Variants in HDAC4 observed in about 807,000 individuals in gnomAD.
The protein encoded by HDAC4 is histone deacetylase 4.
In HDAC4, 16 loss-of-function variants were observed where a neutral mutation model predicts 135.1. The observed-to-expected ratio is 0.12, with a 90% CI of 0.08 to 0.18. The LOEUF is 0.18. Among genes scored for constraint, HDAC4 ranks in the 10% least tolerant of loss-of-function variants. The probability of loss-of-function intolerance (pLI) is 1.00; values close to 1 mark genes in which losing one functional copy is unlikely to be tolerated. For missense variants in HDAC4, 1,143 were observed against 1,511.8 expected (o/e 0.76, Z 4.05); for synonymous variants, 685 against 653.4 (o/e 1.05, Z -0.74).
rs2052624320 is a variant in HDAC4 at position 239,306,981 on chromosome 2, G to A, written c.22+45697C>T. ...CCAGGGTAACCCAGAAGCAGCAGGAGCCGCAGGACCATAGGGGCCACCGGC... is the reference window on the plus strand; with the variant it reads ...CCAGGGTAACCCAGAAGCAGCAGGAACCGCAGGACCATAGGGGCCACCGGC... On this transcript the variant is annotated intron_variant, in intron 2 of 26. Coordinates refer to ENST00000543185, the MANE Select transcript of HDAC4 (RefSeq NM_001378414.1). The surrounding 1 kb of genome is among the most constrained non-coding windows in gnomAD (Gnocchi z 4.5). Among the ~76,000 whole-genome samples the A allele has an allele frequency of 6.6e-6, 1 of 152,106 alleles. No homozygotes were observed.
chr2:239,072,974 C>A (rs1574913242), intron 22 of HDAC4, among the ~76,000 whole-genome samples: 1 of 152,210 alleles, frequency 6.6e-6, no homozygotes, highest in Non-Finnish European at 1.5e-5. Context: ...GAGGGCCCAT[C>A]TCAATGCTGG....
intron 3 of HDAC4, among the ~76,000 whole-genome samples, chr2:239,235,478 C>A (rs2047833149): frequency 6.6e-6 from 1 of 152,240 alleles, no homozygotes; most frequent in African/African-American, 2.4e-5. Flanking sequence ...AGAGCCAAAA[C>A]CAGAGACCCA....
At chr2:239,118,422 C>T (rs555175380) in intron 12 of HDAC4, among the ~76,000 whole-genome samples, 15 of 152,248 alleles carry the variant, frequency 9.9e-5, no homozygotes, top group African/African-American at 2.6e-4. Context: ...AACCAGTAGG[C>T]GGCGTGGCAC....
rs1161111994 is a variant in HDAC4 at position 239,331,138 on chromosome 2, C to A, written c.22+21540G>T. On this transcript the variant is annotated intron_variant, in intron 2 of 26. Coordinates refer to ENST00000543185, the MANE Select transcript of HDAC4 (RefSeq NM_001378414.1). The surrounding 1 kb of genome is among the most constrained non-coding windows in gnomAD (Gnocchi z 4.5). ...AGCTCTCAGCCTGCCCAGGAGGAAGCGGGGCTGATGGGCCATCGGAGCAAA... is the reference window on the plus strand; with the variant it reads ...AGCTCTCAGCCTGCCCAGGAGGAAGAGGGGCTGATGGGCCATCGGAGCAAA... 1.3e-5 allele frequency among the ~76,000 whole-genome samples: 2 copies of A among 152,196 alleles called. No homozygotes were observed. Among genetic ancestry groups the A allele is most frequent in the African/African-American group, 4.8e-5 (2 of 41,432 alleles).
intron 7 of HDAC4, among the ~76,000 whole-genome samples, chr2:239,144,961 G>C (rs555453030): frequency 6.6e-6 from 1 of 152,200 alleles, no homozygotes; most frequent in Non-Finnish European, 1.5e-5. Flanking sequence ...CATTATGCAA[G>C]CGCTGGCACT....
At chr2:239,294,094 G>C (rs1172316972) in intron 2 of HDAC4, among the ~76,000 whole-genome samples, 1 of 152,226 alleles carries the variant, frequency 6.6e-6, no homozygotes, top group East Asian at 1.9e-4. Flanking sequence ...AGGAAGAGCA[G>C]CTCATTCTCA....
chr2:239,222,371 T>A (rs1483011786), intron 3 of HDAC4, among the ~76,000 whole-genome samples: 1 of 152,204 alleles, frequency 6.6e-6, no homozygotes, highest in Non-Finnish European at 1.5e-5. Context: ...TAATTTGTTC[T>A]ATATCCCCAG....
At chr2:239,208,321 CG>C (rs1236764719) in intron 3 of HDAC4, among the ~76,000 whole-genome samples, 13 of 100,046 alleles carry the variant, frequency 1.3e-4, no homozygotes, top group African/African-American at 5.6e-4. Context: ...AGCGAGACTC[CG>C]TCCCAAAAAA....
intron 12 of HDAC4, among the ~76,000 whole-genome samples, chr2:239,116,498 G>A (rs116624459): frequency 2.0e-5 from 3 of 152,138 alleles, no homozygotes; most frequent in Admixed American, 6.5e-5. Context: ...CTCCAGCCTC[G>A]ACCTCCTGCC....
At position 239,174,861 on chromosome 2, in the gene HDAC4, C is replaced by A. The variant is rs563796045; in HGVS notation, c.490+1552G>T. ...GGGATGAATTTCACAAGCATAATGT[C>A]CACAGAAAGAAGCAAAACGCAAAAA... On this transcript the variant is annotated intron_variant, in intron 5 of 26. Coordinates refer to ENST00000543185, the MANE Select transcript of HDAC4 (RefSeq NM_001378414.1). 3.3e-5 allele frequency among the ~76,000 whole-genome samples: 5 copies of A among 152,300 alleles called. No homozygotes were observed. In the East Asian group the frequency reaches 5.8e-4, roughly 18 times the overall value.
Position 239,244,548 on chromosome 2 carries a change from T to C in HDAC4, c.23-7884A>G, listed in dbSNP as rs529860444. Reference sequence around the variant, plus strand: ...CTCTAACCTGTGTGACCAGAGGTAGTAGAATTTTACTGGCACTCTGATGCC... The same window carrying C: ...CTCTAACCTGTGTGACCAGAGGTAGCAGAATTTTACTGGCACTCTGATGCC... On this transcript the variant is annotated intron_variant, in intron 2 of 26. Transcript: ENST00000543185. 2.6e-5 allele frequency among the ~76,000 whole-genome samples: 4 copies of C among 152,344 alleles called. No homozygotes were observed. In the South Asian group the frequency reaches 6.2e-4, roughly 24 times the overall value.
At chr2:239,077,934 C>T (rs914026022) in intron 22 of HDAC4, among the ~76,000 whole-genome samples, 4 of 152,204 alleles carry the variant, frequency 2.6e-5, no homozygotes, top group African/African-American at 9.7e-5. Flanking sequence ...AAGGCTAATG[C>T]CAATTCGTGA....
chr2:239,395,125 G>A (rs527259564), intron 1 of HDAC4, among the ~76,000 whole-genome samples: 13 of 152,332 alleles, frequency 8.5e-5, no homozygotes, highest in African/African-American at 2.4e-4. Context: ...CAAAGGCCCC[G>A]AGGTCAAAGG....
At chr2:239,266,072 G>A (rs1485980207) in intron 2 of HDAC4, among the ~76,000 whole-genome samples, 2 of 152,204 alleles carry the variant, frequency 1.3e-5, no homozygotes, top group Non-Finnish European at 2.9e-5. Context: ...AGAGGCTGCT[G>A]TGGCATCCAG....
chr2:239,119,766 CG>C (rs1006452760), intron 12 of HDAC4, among the ~76,000 whole-genome samples: 2 of 152,134 alleles, frequency 1.3e-5, no homozygotes, highest in Non-Finnish European at 1.5e-5. Flanking sequence ...GGAGAGGCTG[CG>C]GGTCTCTCCG....
At chr2:239,140,658 G>C (rs545764665) in intron 8 of HDAC4, among the ~76,000 whole-genome samples, 4 of 152,220 alleles carry the variant, frequency 2.6e-5, no homozygotes, top group East Asian at 3.8e-4. Context: ...GTTCAGCAAC[G>C]ACTCTGGGTG....
At chr2:239,376,772 C>T (rs1178813497) in intron 1 of HDAC4, among the ~76,000 whole-genome samples, 1 of 151,834 alleles carries the variant, frequency 6.6e-6, no homozygotes, top group Non-Finnish European at 1.5e-5. Context: ...ACTGCTATGA[C>T]ACAAATCCTC....
chr2:239,221,180 G>C (rs779056712), intron 3 of HDAC4, among the ~76,000 whole-genome samples: 2 of 152,156 alleles, frequency 1.3e-5, no homozygotes, highest in Admixed American at 1.3e-4. Context: ...GTGTTCTTGC[G>C]AATACCATTT....
Position 239,134,512 on chromosome 2 carries a change from C to CG in HDAC4, c.1095+14dup. On this transcript the variant is annotated intron_variant, in intron 10 of 26. Transcript: ENST00000543185. ...CACCACCCCACACCACACGGACCCA[C>CG]GGGGGCTGACTTACCGCAGAGGGGC... 6.2e-7 allele frequency: 1 copy of CG among 1,613,684 alleles called. No individual in the cohort carries two copies. The highest frequency in any genetic ancestry group is 8.5e-7 in the Non-Finnish European group (1 of 1,179,704).
Sources: allele counts gnomAD v4.1 joint callset (sites outside exome capture counted in the v4.1 genomes callset), GRCh38; gene constraint gnomAD v4.1.1; non-coding constraint Gnocchi (gnomAD v3.1); transcripts MANE v1.5; gene names NCBI Gene and HGNC (gene_info 2026-07-23, HGNC 2026-07-21).